The following CNOT6 variants were observed in gnomAD, a reference collection of about 807,000 sequenced individuals.
The protein encoded by CNOT6 is CCR4-NOT transcription complex subunit 6.
A neutral mutation model predicts 61.2 loss-of-function variants in CNOT6; 12 were observed. The ratio of observed to expected loss-of-function variants is 0.20; its 90% CI spans 0.13 to 0.32. CNOT6 has a LOEUF of 0.32. Among genes scored for constraint, CNOT6 ranks in the 10% least tolerant of loss-of-function variants. The pLI, the probability that CNOT6 is intolerant of heterozygous loss-of-function variation, is 1.00. For synonymous variants in CNOT6, 225 were observed against 240.6 expected (o/e 0.94, Z 0.60); for missense variants, 405 against 663.9 (o/e 0.61, Z 4.28).
intron 2 of CNOT6, among the ~76,000 whole-genome samples, chr5:180,543,568 G>T (rs1228320661): frequency 6.6e-6 from 1 of 152,118 alleles, no homozygotes. Context: ...AACAATATAT[G>T]TCTTAGCATA....
chr5:180,542,930 CTGAAAAT>C (rs1378229788), intron 2 of CNOT6, among the ~76,000 whole-genome samples: 3 of 152,150 alleles, frequency 2.0e-5, no homozygotes, highest in Non-Finnish European at 2.9e-5. Flanking sequence ...TGACCTCTTC[CTGAAAAT>C]TAGGATCCTT....
chr5:180,504,162 G>A (rs531528471), intron 1 of CNOT6, among the ~76,000 whole-genome samples: 2 of 152,246 alleles, frequency 1.3e-5, no homozygotes, highest in South Asian at 2.1e-4. Flanking sequence ...CAGTTCTAAA[G>A]CATTTCATTA....
At chr5:180,505,162 G>A (rs139852495) in intron 1 of CNOT6, among the ~76,000 whole-genome samples, 134 of 147,126 alleles carry the variant, frequency 9.1e-4, no homozygotes, top group African/African-American at 3.2e-3. Flanking sequence ...GGGTTTCACC[G>A]TGTTAGCCAT....
Position 180,564,538 on chromosome 5 carries a change from A to T in CNOT6, c.435A>T (p.Gly145=), listed in dbSNP as rs1179936257. 5.0e-6 allele frequency: 8 copies of T among 1,613,930 alleles called. No individual in the cohort carries two copies. The highest frequency in any genetic ancestry group is 6.8e-6 in the Non-Finnish European group (8 of 1,179,934). Residue 145 remains glycine, a synonymous_variant, in exon 5 of 12, where the codon GGA becomes GGT. Coordinates refer to ENST00000261951, the MANE Select transcript of CNOT6 (RefSeq NM_001370472.1). ...TGAACCTTTATCAGGAACCAGATGG[A>T]ACAAGACGGCTGCTGAACTATTTGC... ...DILNLYQEPD[G]TRRLLNYLLD...
chr5:180,497,074 T>C (rs910660884), intron 1 of CNOT6, among the ~76,000 whole-genome samples: 2 of 152,190 alleles, frequency 1.3e-5, no homozygotes, highest in Non-Finnish European at 2.9e-5. Context: ...ACGCCTGTAA[T>C]CCCAGCACTT....
chr5:180,494,437 C>CGGA lies in CNOT6; in HGVS notation c.-320_-318dup, dbSNP rs1474716446. The CGGA allele has an allele frequency of 6.5e-6, 1 of 154,402 alleles. No individual in the cohort carries two copies. The highest frequency in any genetic ancestry group is 1.4e-5 in the Non-Finnish European group (1 of 69,564). 9.6% of individuals were successfully genotyped at this position (154,402 alleles called of 1,614,324 possible). On this transcript the variant is annotated 5_prime_UTR_variant, in exon 1 of 12. Transcript: ENST00000261951. ...GCTTTCAATGAAAACGAGGGGGGCG[C>CGGA]GGAGGAGGAGGCGGCGGCGTCGGTG...
At chr5:180,552,691 C>T (rs1037331679) in intron 3 of CNOT6, among the ~76,000 whole-genome samples, 1 of 152,026 alleles carries the variant, frequency 6.6e-6, no homozygotes, top group South Asian at 2.1e-4. Context: ...CGTTACATTG[C>T]CACTGTGTCC....
intron 1 of CNOT6, among the ~76,000 whole-genome samples, chr5:180,511,664 C>T (rs1018774076): frequency 2.6e-5 from 4 of 151,948 alleles, no homozygotes; most frequent in Non-Finnish European, 5.9e-5. Flanking sequence ...ACTTGGGAGG[C>T]TGAGATGGGA....
Position 180,567,084 on chromosome 5 carries a change from T to C in CNOT6, c.718-4T>C, listed in dbSNP as rs765534005. 4 of 1,599,944 alleles carry C rather than the reference T, an allele frequency of 2.5e-6. No individual in the cohort carries two copies. The highest frequency in any genetic ancestry group is 3.4e-6 in the Non-Finnish European group (4 of 1,176,452). On this transcript the variant is annotated splice_polypyrimidine_tract_variant and splice_region_variant and intron_variant, in intron 7 of 11. Transcript: ENST00000261951. The stretch of plus-strand genomic sequence containing the variant: ...AAATAACTGTGCTGTTTACAACTTT[T>C]CAGGAGGTTGAAACGGAACAGTATT...
At chr5:180,526,749 C>T (rs1373746694) in intron 1 of CNOT6, among the ~76,000 whole-genome samples, 1 of 151,772 alleles carries the variant, frequency 6.6e-6, no homozygotes, top group Non-Finnish European at 1.5e-5. Flanking sequence ...ATGATTTATC[C>T]AAAAGAATAA....
chr5:180,518,741 G>A (rs1757756298), intron 1 of CNOT6, among the ~76,000 whole-genome samples: 1 of 151,996 alleles, frequency 6.6e-6, no homozygotes, highest in East Asian at 1.9e-4. Context: ...GCTTGAGCAG[G>A]CCTCCTGCCT....
At chr5:180,535,537 C>T (rs1758640273) in intron 2 of CNOT6, among the ~76,000 whole-genome samples, 1 of 152,184 alleles carries the variant, frequency 6.6e-6, no homozygotes, top group African/African-American at 2.4e-5. Flanking sequence ...ATATACACTG[C>T]ATTTTCTTTA....
chr5:180,533,524 C>T (rs1004563530), intron 2 of CNOT6, among the ~76,000 whole-genome samples: 6 of 151,750 alleles, frequency 4.0e-5, no homozygotes, highest in African/African-American at 1.5e-4. Context: ...GATCCTCCCA[C>T]CTCACCCTCC....
chr5:180,571,639 C>T (rs938989077), intron 11 of CNOT6, among the ~76,000 whole-genome samples: 3 of 152,216 alleles, frequency 2.0e-5, no homozygotes, highest in Admixed American at 1.3e-4. Flanking sequence ...AGTGATGGCT[C>T]ACTGCAGCTT....
chr5:180,525,253 T>TAGGCCGG (rs1397579185), intron 1 of CNOT6, among the ~76,000 whole-genome samples: 1 of 152,176 alleles, frequency 6.6e-6, no homozygotes, highest in Admixed American at 6.6e-5. Flanking sequence ...GTTTGAAAAG[T>TAGGCCGG]AGGCCGGGTG....
chr5:180,527,295 A>T (rs951455037), intron 1 of CNOT6, among the ~76,000 whole-genome samples: 2 of 152,206 alleles, frequency 1.3e-5, no homozygotes, highest in African/African-American at 4.8e-5. Context: ...GTGCCTCTTA[A>T]GTCATTTATT....
chr5:180,573,285 G>T (rs1446754722), intron 11 of CNOT6, among the ~76,000 whole-genome samples: 1 of 152,108 alleles, frequency 6.6e-6, no homozygotes, highest in Non-Finnish European at 1.5e-5. Flanking sequence ...AGAAAAGGGG[G>T]TCAGGTAGAG....
intron 1 of CNOT6, among the ~76,000 whole-genome samples, chr5:180,508,007 T>G (rs1260818890): frequency 6.6e-6 from 1 of 151,982 alleles, no homozygotes; most frequent in African/African-American, 2.4e-5. Flanking sequence ...GGGATACAAT[T>G]TGACATGACA....
In CNOT6 at chr5:180,571,301, G is replaced by C. The variant is rs1449409051; in HGVS notation, c.1330G>C (p.Glu444Gln). Reference protein sequence around the residue: ...HKDFKELRYNESLTNFSCHGK... With the variant: ...HKDFKELRYNQSLTNFSCHGK... ...AGACTTTAAGGAGTTGAGGTATAATGAAAGTCTCACAAACTTCAGCTGTCA... is the reference window on the plus strand; with the variant it reads ...AGACTTTAAGGAGTTGAGGTATAATCAAAGTCTCACAAACTTCAGCTGTCA... Residue 444 changes from glutamate (E) to glutamine (Q), a missense_variant, in exon 11 of 12, where the codon GAA becomes CAA. Transcript: ENST00000261951. The C allele has an allele frequency of 6.2e-7, 1 of 1,613,918 alleles. No individual in the cohort carries two copies. The highest frequency in any genetic ancestry group is 1.3e-5 in the African/African-American group (1 of 74,942).
Sources: gnomAD v4.1 joint callset for allele counts (sites outside exome capture counted in the v4.1 genomes callset) on GRCh38, gnomAD v4.1.1 for gene constraint, MANE v1.5 for transcripts, NCBI Gene and HGNC (gene_info 2026-07-23, HGNC 2026-07-21) for gene names.